The following RRP12 variants were observed in gnomAD, a reference collection of about 807,000 sequenced individuals.
The protein encoded by RRP12 is RRP12-like protein.
RRP12 carries 78 observed loss-of-function variants against 157.3 expected under a neutral mutation model. The observed-to-expected ratio is 0.50, with a 90% CI of 0.41 to 0.60. The LOEUF (loss-of-function observed/expected upper bound fraction) is 0.60, where lower values mean the gene tolerates loss of function less well. RRP12 is among the 20% of genes least tolerant of loss of function. The pLI, the probability that RRP12 is intolerant of heterozygous loss-of-function variation, is 0.00. For missense variants in RRP12, 1,521 were observed against 1,679.9 expected (o/e 0.91, Z 1.65); for synonymous variants, 726 against 670.9 (o/e 1.08, Z -1.27).
At position 97,356,736 on chromosome 10, in the gene RRP12, C is replaced by T. The variant is rs1843722501; in HGVS notation, c.*358G>A. On this transcript the variant is annotated 3_prime_UTR_variant, in exon 34 of 34. Transcript: ENST00000370992. ...GACACATTTATTCTACATCTGGTCA[C>T]AGTAAATCTCACCCAGACCACAGGC... The T allele has an allele frequency of 1.4e-5, 3 of 221,716 alleles. No individual in the cohort carries two copies. The highest frequency in any genetic ancestry group is 5.8e-5 in the Admixed American group (1 of 17,364). The allele number at this position is 221,716 out of a possible 1,614,324, so 13.7% of individuals were successfully genotyped here. A position where few individuals can be genotyped will look rare whatever the true frequency, so the allele number is the denominator to read the frequency against.
Position 97,370,791 on chromosome 10 carries a change from A to G in RRP12, c.2508T>C (p.Arg836=). The change falls in exon 22 of 34, where the codon CGT becomes CGC. Residue 836 remains arginine, a synonymous_variant. Transcript: ENST00000370992. Reference sequence around the variant, plus strand: ...TCACGATGTGTAGGAGGCACTTCAAACGGGGCTGTGGGCAAAGGGCTACCA... The same window carrying G: ...TCACGATGTGTAGGAGGCACTTCAAGCGGGGCTGTGGGCAAAGGGCTACCA... The part of the protein sequence containing the change: ...RSTSSPAKRP[R]LKCLLHIVRK... 1.2e-6 allele frequency: 2 copies of G among 1,613,822 alleles called. No individual in the cohort carries two copies. The highest frequency in any genetic ancestry group is 1.7e-6 in the Non-Finnish European group (2 of 1,179,858).
intron 13 of RRP12, 61 bp from the exon 14 acceptor site, chr10:97,379,831 G>A: frequency 2.0e-6 from 3 of 1,522,256 alleles, no homozygotes; most frequent in South Asian, 1.3e-5. Flanking sequence ...CCCATGACAA[G>A]ACCCCGCTGA....
chr10:97,379,073 G>T (rs150971814), intron 15 of RRP12, among the ~76,000 whole-genome samples: 1 of 152,220 alleles, frequency 6.6e-6, no homozygotes, highest in Non-Finnish European at 1.5e-5. Flanking sequence ...TGTCTCACAG[G>T]GCAAGCTCTG....
In RRP12 at chr10:97,371,142, G is replaced by A. The variant is rs551679313; in HGVS notation, c.2344-61C>T. ...TCACTCCCTGTCCAATGCTATCCAC[G>A]GAGCATCCCCCAGCACTGGAGGGAT... On this transcript the variant is annotated intron_variant, in intron 20 of 33. Transcript: ENST00000370992. The A allele has an allele frequency of 1.7e-5, 26 of 1,549,872 alleles. No homozygotes were observed. In the African/African-American group the frequency reaches 2.0e-4, roughly 12 times the overall value.
intron 29 of RRP12, among the ~76,000 whole-genome samples, chr10:97,364,331 G>C (rs1044072835): frequency 1.3e-5 from 2 of 152,166 alleles, no homozygotes; most frequent in Non-Finnish European, 2.9e-5. Flanking sequence ...TGCAGTATGT[G>C]CTGGGCTCCA....
rs552144649 is a variant in RRP12, at chr10:97,385,815, G to A, written c.1116+80C>T. 431 of 1,027,430 alleles carry A rather than the reference G, an allele frequency of 4.2e-4. No homozygotes were observed. In the East Asian group the frequency reaches 5.4e-3, roughly 13 times the overall value. The allele number at this position is 1,027,430 out of a possible 1,614,324, so 63.6% of individuals were successfully genotyped here. A position where few individuals can be genotyped will look rare whatever the true frequency, so the allele number is the denominator to read the frequency against. On this transcript the variant is annotated intron_variant, in intron 9 of 33. Transcript: ENST00000370992. ...GCCAACCTCACTCTGTAGACAAGGCGCAGGGCCAGTGCCCCCAGCACAGCC... is the reference window on the plus strand; with the variant it reads ...GCCAACCTCACTCTGTAGACAAGGCACAGGGCCAGTGCCCCCAGCACAGCC...
At chr10:97,371,123 CCT>C (rs765191394) in intron 20 of RRP12, 42 bp from the exon 21 acceptor site, 1 of 1,598,288 alleles carries the variant, frequency 6.3e-7, no homozygotes, top group Non-Finnish European at 8.5e-7. Flanking sequence ...GGGCTCACTC[CCT>C]GTCCAATGCT....
chr10:97,372,979 C>T (rs1212693583), intron 18 of RRP12, 67 bp downstream of exon 18: 8 of 1,514,588 alleles, frequency 5.3e-6, no homozygotes, highest in East Asian at 4.8e-5. Context: ...GGTAGGGTCT[C>T]GGCCTCTCTG....
At position 97,368,179 on chromosome 10, in the gene RRP12, C is replaced by T. The variant is rs539677921; in HGVS notation, c.2956-1047G>A. Among the ~76,000 whole-genome samples the T allele has an allele frequency of 5.3e-5, 8 of 150,856 alleles. No individual in the cohort carries two copies. In the South Asian group the frequency reaches 1.7e-3, roughly 32 times the overall value. On this transcript the variant is annotated intron_variant, in intron 25 of 33. Coordinates refer to ENST00000370992, the MANE Select transcript of RRP12 (RefSeq NM_015179.4). ...ATGAACAGCTGGGACTACAGGCGCG[C>T]ACCACCATGCCTGGCTAATTTTTGT...
chr10:97,357,796 A>T (rs1264046676), intron 33 of RRP12, among the ~76,000 whole-genome samples: 1 of 151,868 alleles, frequency 6.6e-6, no homozygotes, highest in Non-Finnish European at 1.5e-5. Flanking sequence ...GTCTCTACTA[A>T]AAATACAAAA....
At position 97,396,284 on chromosome 10, in the gene RRP12, A is replaced by G; in HGVS notation, c.387T>C (p.Ala129=). The change falls in exon 3 of 34, where the codon GCT becomes GCC. Residue 129 remains alanine, a synonymous_variant. Transcript: ENST00000370992. ...GGGAGCGAATCACCTCAGTGACAGC[A>G]GCCAGAACAGCACAGATCTGCACAG... ...AAHKEICAVL[A]AVTEVIRSQG... is the part of the protein sequence containing the mutation. 1 of 1,613,810 alleles carries G rather than the reference A, an allele frequency of 6.2e-7. No homozygotes were observed. Among genetic ancestry groups the G allele is most frequent in the Non-Finnish European group, 8.5e-7 (1 of 1,179,750 alleles).
chr10:97,376,404 G>A (rs1011281488), intron 15 of RRP12, among the ~76,000 whole-genome samples: 17 of 151,428 alleles, frequency 1.1e-4, no homozygotes, highest in African/African-American at 3.2e-4. Flanking sequence ...TAGTAGAGAC[G>A]GGGTTTCTCC....
chr10:97,374,020 G>A, intron 15 of RRP12, 126 bp from the exon 16 acceptor site: 1 of 711,382 alleles, frequency 1.4e-6, no homozygotes, highest in Non-Finnish European at 2.5e-6. Context: ...CCATCTCCAT[G>A]AATTAAATCA....
chr10:97,358,101 G>A (rs1252956144), intron 33 of RRP12, among the ~76,000 whole-genome samples: 7 of 152,164 alleles, frequency 4.6e-5, no homozygotes, highest in African/African-American at 1.4e-4. Flanking sequence ...TTGGGAGGCT[G>A]AGGCATGCAG....
rs1002933359 is a variant in RRP12, at chr10:97,369,725, G to C, written c.2798-143C>G. 20 of 849,452 alleles carry C rather than the reference G, an allele frequency of 2.4e-5. 1 individual carries two copies. The highest frequency in any genetic ancestry group is 1.8e-6 in the Non-Finnish European group (1 of 555,698). The allele number at this position is 849,452 out of a possible 1,614,324, so 52.6% of individuals were successfully genotyped here. ...GTATGCCCGGGATGGTTCCAATCAC[G>C]CTCCATGGAGTGGTCTTGGGTCCTT... On this transcript the variant is annotated intron_variant, in intron 24 of 33. Coordinates refer to ENST00000370992, the MANE Select transcript of RRP12 (RefSeq NM_015179.4).
intron 2 of RRP12, 49 bp downstream of exon 2, chr10:97,400,256 A>G: frequency 7.3e-7 from 1 of 1,373,972 alleles, no homozygotes; most frequent in Non-Finnish European, 1.0e-6. Context: ...AAAAGGCATG[A>G]GTTGGCCTCT....
chr10:97,361,896 C>G (rs879525676), intron 30 of RRP12, among the ~76,000 whole-genome samples: 1 of 152,046 alleles, frequency 6.6e-6, no homozygotes, highest in Non-Finnish European at 1.5e-5. Context: ...ATCACGAGGT[C>G]AGGAGTTCGA....
intron 13 of RRP12, 79 bp downstream of exon 13, chr10:97,380,718 CAG>C: frequency 3.0e-6 from 3 of 1,004,798 alleles, no homozygotes; most frequent in South Asian, 1.3e-5. Flanking sequence ...GCAGAGATAA[CAG>C]AGACACGTGC....
In RRP12 at chr10:97,388,472, C is replaced by T. The variant is rs751211066; in HGVS notation, c.889+17G>A. 1.2e-6 allele frequency: 2 copies of T among 1,613,878 alleles called. No individual in the cohort carries two copies. The highest frequency in any genetic ancestry group is 2.2e-5 in the South Asian group (2 of 91,056). ...CCACTGCCTCCCATCCACCTGCCCT[C>T]CATTTGGGTTCCCCACCTCCAGACT... On this transcript the variant is annotated intron_variant, in intron 7 of 33. Transcript: ENST00000370992.
Sources: allele counts gnomAD v4.1 joint callset (sites outside exome capture counted in the v4.1 genomes callset), GRCh38; gene constraint gnomAD v4.1.1; transcripts MANE v1.5; gene names NCBI Gene and HGNC (gene_info 2026-07-23, HGNC 2026-07-21).